Variants in OSGIN2 observed in about 807,000 individuals in gnomAD.
OSGIN2 encodes oxidative stress-induced growth inhibitor 2.
In OSGIN2, 19 loss-of-function variants were observed where a neutral mutation model predicts 53.8. The ratio of observed to expected loss-of-function variants is 0.35; its 90% CI spans 0.25 to 0.52. OSGIN2 has a LOEUF of 0.52. Among genes scored for constraint, OSGIN2 ranks in the 20% least tolerant of loss-of-function variants. The pLI is 0.95. For synonymous variants in OSGIN2, 236 were observed against 236.0 expected, an observed-to-expected ratio of 1.00 and a Z score of 0.00; for missense variants, 520 against 662.7, an observed-to-expected ratio of 0.78 and a Z score of 2.36.
At chr8:89,908,663 C>G (rs1161241006) in intron 1 of OSGIN2, among the ~76,000 whole-genome samples, 3 of 152,058 alleles carry the variant, frequency 2.0e-5, no homozygotes, top group Non-Finnish European at 2.9e-5. Context: ...CTAAAGTAAT[C>G]TGTTGTATAA....
chr8:89,919,847 C>A (rs1349819122), intron 4 of OSGIN2, among the ~76,000 whole-genome samples: 1 of 152,174 alleles, frequency 6.6e-6, no homozygotes, highest in African/African-American at 2.4e-5. Context: ...CAGATACTTT[C>A]TATATGCTCC....
chr8:89,923,223 G>A (rs10435549), intron 5 of OSGIN2, among the ~76,000 whole-genome samples: 31,248 of 152,080 alleles, frequency 0.21, 6,221 homozygotes, highest in African/African-American at 0.51. Flanking sequence ...TAAGATGGCT[G>A]TGATGTCACT....
At chr8:89,918,599 G>A (rs1294109345) in intron 4 of OSGIN2, among the ~76,000 whole-genome samples, 1 of 152,116 alleles carries the variant, frequency 6.6e-6, no homozygotes, top group African/African-American at 2.4e-5. Flanking sequence ...TCCCAAATCA[G>A]AATTCCCAAA....
At position 89,926,771 on chromosome 8, in the gene OSGIN2, A is replaced by G. The variant is rs1197590349; in HGVS notation, c.*1239A>G. ...CATTTTCTTTTCTTTTTTTGGTACA[A>G]TTACTTCATCTGGAATGTCTTCATT... On this transcript the variant is annotated 3_prime_UTR_variant, in exon 6 of 6. Transcript: ENST00000451899. 6.6e-6 allele frequency: 1 copy of G among 152,166 alleles called. No homozygotes were observed. The highest frequency in any genetic ancestry group is 2.4e-5 in the African/African-American group (1 of 41,454). The allele number at this position is 152,166 out of a possible 1,614,324, so 9.4% of individuals were successfully genotyped here.
intron 4 of OSGIN2, 99 bp from the exon 5 acceptor site, chr8:89,920,977 ATAAT>A (rs967188325): frequency 2.6e-4 from 179 of 697,580 alleles, no homozygotes; most frequent in Middle Eastern, 7.4e-4. Context: ...GTCCAGAGTC[ATAAT>A]TATTGTAAAT....
At chr8:89,919,469 T>C (rs963956361) in intron 4 of OSGIN2, among the ~76,000 whole-genome samples, 2 of 152,194 alleles carry the variant, frequency 1.3e-5, no homozygotes, top group African/African-American at 4.8e-5. Flanking sequence ...GAGCAAAAAC[T>C]GGTATTCACA....
intron 2 of OSGIN2, among the ~76,000 whole-genome samples, chr8:89,912,695 G>A (rs1808991754): frequency 1.3e-5 from 2 of 151,658 alleles, no homozygotes; most frequent in African/African-American, 2.4e-5. Context: ...GCAGTGAGCC[G>A]AGATCATGCC....
In OSGIN2 at chr8:89,914,662, A is replaced by G. The variant is rs754934968; in HGVS notation, c.444A>G (p.Pro148=). The G allele has an allele frequency of 8.1e-6, 13 of 1,613,838 alleles. No individual in the cohort carries two copies. Among genetic ancestry groups the G allele is most frequent in the South Asian group, 3.3e-5 (3 of 91,086 alleles). The change falls in exon 4 of 6, where the codon CCA becomes CCG. Residue 148 remains proline (P), a synonymous_variant. Coordinates refer to ENST00000451899, the MANE Select transcript of OSGIN2 (RefSeq NM_001126111.3). ...ATGCTGACTTTGGGTATGATTATCCATCCGTTTTGCATTGGAAATTAGAGC... is the reference window on the plus strand; with the variant it reads ...ATGCTGACTTTGGGTATGATTATCCGTCCGTTTTGCATTGGAAATTAGAGC... ...HPDADFGYDY[P]SVLHWKLEQH... is the part of the protein sequence containing the mutation.
rs779941646 is a variant in OSGIN2 at position 89,921,102 on chromosome 8, C to CT, written c.551_552insT (p.Ile185AsnfsTer13). On this transcript the variant is annotated frameshift_variant, in exon 5 of 6. Transcript: ENST00000451899. LOFTEE classifies it high-confidence loss of function. Reference sequence around the variant, plus strand: ...TAGAATATGGAAGGCTCCATGTTGACAATCAGCTTTGGAAGTTGGATGGAA... The same window carrying CT: ...TAGAATATGGAAGGCTCCATGTTGACTAATCAGCTTTGGAAGTTGGATGGAA... The CT allele has an allele frequency of 6.3e-7, 1 of 1,598,148 alleles. No homozygotes were observed. Among genetic ancestry groups the CT allele is most frequent in the Admixed American group, 1.7e-5 (1 of 57,972 alleles).
Position 89,927,603 on chromosome 8 carries a change from G to A in OSGIN2, c.*2071G>A, listed in dbSNP as rs532222168. 3 of 152,230 alleles carry A rather than the reference G, an allele frequency of 2.0e-5. No homozygotes were observed. The highest frequency in any genetic ancestry group is 4.4e-5 in the Non-Finnish European group (3 of 68,022). 9.4% of individuals were successfully genotyped at this position (152,230 alleles called of 1,614,324 possible). ...TGTGAGCATCTCCTCCTTATCCCTCGATGCCTGGCTTGGTGTCTGGCAAAC... is the reference window on the plus strand; with the variant it reads ...TGTGAGCATCTCCTCCTTATCCCTCAATGCCTGGCTTGGTGTCTGGCAAAC... On this transcript the variant is annotated 3_prime_UTR_variant, in exon 6 of 6. Transcript: ENST00000451899.
Position 89,926,620 on chromosome 8 carries a change from T to C in OSGIN2, c.*1088T>C, listed in dbSNP as rs983640612. 1.3e-5 allele frequency: 2 copies of C among 152,426 alleles called. No homozygotes were observed. The highest frequency in any genetic ancestry group is 4.8e-5 in the African/African-American group (2 of 41,468). 9.4% of individuals were successfully genotyped at this position (152,426 alleles called of 1,614,324 possible). On this transcript the variant is annotated 3_prime_UTR_variant, in exon 6 of 6. Coordinates refer to ENST00000451899, the MANE Select transcript of OSGIN2 (RefSeq NM_001126111.3). ...CATAGCAGCTCATATCATGGTTGTT[T>C]ATTGGATTTATCTGTTCTAATTATA...
Position 89,927,848 on chromosome 8 carries a change from T to C in OSGIN2, c.*2316T>C, listed in dbSNP as rs1809383567. 1 of 152,258 alleles carries C rather than the reference T, an allele frequency of 6.6e-6. No homozygotes were observed. The highest frequency in any genetic ancestry group is 6.5e-5 in the Admixed American group (1 of 15,282). 9.4% of individuals were successfully genotyped at this position (152,258 alleles called of 1,614,324 possible). On this transcript the variant is annotated 3_prime_UTR_variant, in exon 6 of 6. Coordinates refer to ENST00000451899, the MANE Select transcript of OSGIN2 (RefSeq NM_001126111.3). ...TCAATAGGAAGTGGTGGAAAATTTC[T>C]AAATAAATTCAACTATTAAATAAAT...
intron 4 of OSGIN2, among the ~76,000 whole-genome samples, chr8:89,919,656 T>A (rs1310930093): frequency 6.6e-6 from 1 of 152,066 alleles, no homozygotes; most frequent in Non-Finnish European, 1.5e-5. Flanking sequence ...ATGTAAAAGG[T>A]TGGAACAACG....
rs1172934548 is a variant in OSGIN2 at position 89,927,693 on chromosome 8, T to A, written c.*2161T>A. On this transcript the variant is annotated 3_prime_UTR_variant, in exon 6 of 6. Coordinates refer to ENST00000451899, the MANE Select transcript of OSGIN2 (RefSeq NM_001126111.3). ...CAGAATTTGGGGATTTAAAGTGCAA[T>A]GATACAACAAAAAGATTTAATTACA... 1 of 152,246 alleles carries A rather than the reference T, an allele frequency of 6.6e-6. No individual in the cohort carries two copies. Among genetic ancestry groups the A allele is most frequent in the Admixed American group, 6.5e-5 (1 of 15,288 alleles). 9.4% of individuals were successfully genotyped at this position (152,246 alleles called of 1,614,324 possible). A position where few individuals can be genotyped will look rare whatever the true frequency, so the allele number is the denominator to read the frequency against.
chr8:89,922,951 A>G lies in OSGIN2; in HGVS notation c.621-1552A>G, dbSNP rs570256510. Among the ~76,000 whole-genome samples, 7 of 152,156 alleles carry G rather than the reference A, an allele frequency of 4.6e-5. No homozygotes were observed. The East Asian group carries it at 1.3e-3, about 29-fold the overall frequency. Reference sequence around the variant, plus strand: ...TGTAAGTATTTTTGTATCTAAATATACAAAAAGTACAGTAAAAATACGATA... The same window carrying G: ...TGTAAGTATTTTTGTATCTAAATATGCAAAAAGTACAGTAAAAATACGATA... On this transcript the variant is annotated intron_variant, in intron 5 of 5. Transcript: ENST00000451899.
intron 4 of OSGIN2, among the ~76,000 whole-genome samples, chr8:89,920,845 T>G (rs1461631343): frequency 1.3e-5 from 2 of 152,204 alleles, no homozygotes; most frequent in African/African-American, 4.8e-5. Flanking sequence ...TTTTATAAAT[T>G]TATAACTATA....
At chr8:89,907,281 A>ATTT (rs34726632) in intron 1 of OSGIN2, among the ~76,000 whole-genome samples, 11 of 151,204 alleles carry the variant, frequency 7.3e-5, no homozygotes, top group Middle Eastern at 3.4e-3. Context: ...CCATTTGTCA[A>ATTT]TTTTTTTTTG....
chr8:89,902,881 C>T (rs1292772772), intron 1 of OSGIN2, 44 bp downstream of exon 1: 4 of 1,306,252 alleles, frequency 3.1e-6, no homozygotes, highest in Non-Finnish European at 4.0e-6. Flanking sequence ...GCGGGGATGC[C>T]GCGCTCTCGA....
At chr8:89,904,932 TCTTC>T (rs1211408462) in intron 1 of OSGIN2, among the ~76,000 whole-genome samples, 1 of 152,234 alleles carries the variant, frequency 6.6e-6, no homozygotes, top group East Asian at 1.9e-4. Flanking sequence ...GGAAAAAACC[TCTTC>T]CTTCGTGTTC....
Sources: allele counts gnomAD v4.1 joint callset (sites outside exome capture counted in the v4.1 genomes callset), GRCh38; gene constraint gnomAD v4.1.1; transcripts MANE v1.5; gene names NCBI Gene and HGNC (gene_info 2026-07-23, HGNC 2026-07-21).